MTMR8: variants seen among roughly 807,000 people sequenced by gnomAD.
MTMR8 encodes the protein myotubularin related protein 8.
MTMR8 carries 65 observed loss-of-function variants against 39.3 expected under a neutral mutation model. The ratio of observed to expected loss-of-function variants is 1.65; its 90% CI spans 1.35 to 2.03. MTMR8 has a LOEUF of 2.03. Ranked by LOEUF, MTMR8 falls within the 30% of genes most tolerant of loss-of-function variation. The probability of loss-of-function intolerance (pLI) is 0.00; values close to 1 mark genes in which losing one functional copy is unlikely to be tolerated. For synonymous variants in MTMR8, 245 were observed against 185.2 expected (o/e 1.32, Z -2.62); for missense variants, 777 against 538.9 (o/e 1.44, Z -4.37).
chrX:64,296,916 T>A (rs1380355714), intron 12 of MTMR8, among the ~76,000 whole-genome samples: 3 of 103,699 alleles, frequency 2.9e-5, no homozygotes, highest in South Asian at 4.7e-4. Context: ...GAACTCATCA[T>A]TTTTTATGGC....
intron 1 of MTMR8, among the ~76,000 whole-genome samples, chrX:64,366,452 T>C (rs889823972): frequency 3.6e-5 from 4 of 112,047 alleles, no homozygotes; most frequent in Non-Finnish European, 7.5e-5. Context: ...GTTAAGAAAC[T>C]CACTCAAAAC....
At chrX:64,376,398 T>G (rs2147243523) in intron 1 of MTMR8, among the ~76,000 whole-genome samples, 1 of 111,862 alleles carries the variant, frequency 8.9e-6, no homozygotes, top group South Asian at 3.8e-4. Flanking sequence ...TGAGGTGGTC[T>G]CAGATGGAGA....
intron 1 of MTMR8, among the ~76,000 whole-genome samples, chrX:64,383,965 G>A (rs937743814): frequency 1.8e-5 from 2 of 111,512 alleles, no homozygotes; most frequent in African/African-American, 6.5e-5. Context: ...TCTGAAACAA[G>A]GTAGGTTCCT....
At chrX:64,317,495 G>A (rs752665409) in intron 12 of MTMR8, among the ~76,000 whole-genome samples, 1 of 111,119 alleles carries the variant, frequency 9.0e-6, no homozygotes, top group South Asian at 3.8e-4. Flanking sequence ...GATCCATTTA[G>A]TTTTCTTCAT....
rs934848768 is a variant in MTMR8 at position 64,282,218 on chromosome X, G to A, written c.1482-11145C>T. Among the ~76,000 whole-genome samples the A allele has an allele frequency of 3.6e-5, 4 of 111,274 alleles. No individual in the cohort carries two copies. The Admixed American group carries it at 3.8e-4, about 11-fold the overall frequency. ...CATTTGACCCAGCAATGCCATTACT[G>A]GGTATATACCCAAAAGAATATAAAT... On this transcript the variant is annotated intron_variant, in intron 12 of 13. Transcript: ENST00000374852.
intron 11 of MTMR8, among the ~76,000 whole-genome samples, chrX:64,330,259 C>T (rs1356243657): frequency 2.7e-5 from 3 of 111,559 alleles, no homozygotes; most frequent in Non-Finnish European, 5.7e-5. Context: ...TAAACAAAGA[C>T]AGAATGAATA....
chrX:64,288,615 A>G lies in MTMR8; in HGVS notation c.1482-17542T>C, dbSNP rs370462250. On this transcript the variant is annotated intron_variant, in intron 12 of 13. Coordinates refer to ENST00000374852, the MANE Select transcript of MTMR8 (RefSeq NM_017677.4). ...TCACAATAGCAAAGACTTGGAACCA[A>G]CCCAAATGTCCAACAATGATAGATT... 2.7e-5 allele frequency among the ~76,000 whole-genome samples: 3 copies of G among 112,093 alleles called. No individual in the cohort carries two copies. The East Asian group carries it at 8.4e-4, about 31-fold the overall frequency.
At chrX:64,341,355 TATA>T in intron 8 of MTMR8, among the ~76,000 whole-genome samples, 1 of 109,553 alleles carries the variant, frequency 9.1e-6, no homozygotes, top group Admixed American at 9.8e-5. Flanking sequence ...GGCATGCTCC[TATA>T]ATCTCAGCTA....
In MTMR8 at chrX:64,367,242, C is replaced by T. The variant is rs769801843; in HGVS notation, c.25-7715G>A. On this transcript the variant is annotated intron_variant, in intron 1 of 13. Coordinates refer to ENST00000374852, the MANE Select transcript of MTMR8 (RefSeq NM_017677.4). ...CAAATCAATAGAAAAAGAGGGAATC[C>T]TCCCTAACTCATTTTATGAGGCCAG... 9.8e-5 allele frequency among the ~76,000 whole-genome samples: 11 copies of T among 111,977 alleles called. 1 individual carries two copies. In the South Asian group the frequency reaches 4.1e-3, roughly 42 times the overall value.
At chrX:64,346,152 C>T (rs761411547) in intron 6 of MTMR8, among the ~76,000 whole-genome samples, 2 of 111,254 alleles carry the variant, frequency 1.8e-5, no homozygotes, top group Non-Finnish European at 3.8e-5. Flanking sequence ...ATACTGTCTA[C>T]GATAATGACC....
chrX:64,373,661 G>A (rs1027168142), intron 1 of MTMR8, among the ~76,000 whole-genome samples: 2 of 111,227 alleles, frequency 1.8e-5, no homozygotes, highest in East Asian at 2.8e-4. Flanking sequence ...TGGTTGGGGA[G>A]AGGAAGGGAA....
chrX:64,382,694 G>T (rs1053295051), intron 1 of MTMR8, among the ~76,000 whole-genome samples: 1 of 111,577 alleles, frequency 9.0e-6, no homozygotes, highest in African/African-American at 3.3e-5. Flanking sequence ...TTTTCAAAGG[G>T]AATGCTTCCA....
intron 1 of MTMR8, among the ~76,000 whole-genome samples, chrX:64,390,739 C>A (rs984626665): frequency 6.3e-5 from 7 of 111,095 alleles, no homozygotes; most frequent in Non-Finnish European, 1.3e-4. Context: ...GCAGCCTCGA[C>A]CTCCCAGATT....
At chrX:64,308,900 T>G (rs903057211) in intron 12 of MTMR8, among the ~76,000 whole-genome samples, 2 of 112,040 alleles carry the variant, frequency 1.8e-5, no homozygotes, top group African/African-American at 6.5e-5. Flanking sequence ...TTGTCAAAGC[T>G]GAGTTGATTA....
At chrX:64,375,357 GAAAA>G (rs1164526672) in intron 1 of MTMR8, among the ~76,000 whole-genome samples, 1 of 88,611 alleles carries the variant, frequency 1.1e-5, no homozygotes, top group African/African-American at 4.1e-5. Flanking sequence ...TGTCTCAATA[GAAAA>G]AAAAAAAAGT....
intron 4 of MTMR8, among the ~76,000 whole-genome samples, chrX:64,352,837 G>A (rs1320863938): frequency 5.4e-5 from 6 of 111,302 alleles, no homozygotes; most frequent in Non-Finnish European, 9.4e-5. Context: ...CTTAGCTCCA[G>A]CAAACGAATT....
At chrX:64,282,253 A>T (rs1419668744) in intron 12 of MTMR8, among the ~76,000 whole-genome samples, 2 of 111,547 alleles carry the variant, frequency 1.8e-5, no homozygotes, top group African/African-American at 6.5e-5. Flanking sequence ...TAATTATATT[A>T]TAAAGATATA....
chrX:64,370,724 G>A (rs554680334), intron 1 of MTMR8, among the ~76,000 whole-genome samples: 13 of 112,138 alleles, frequency 1.2e-4, no homozygotes, highest in Middle Eastern at 9.2e-3. Context: ...TAGGTGTGTA[G>A]TAGGTTTGTG....
intron 12 of MTMR8, among the ~76,000 whole-genome samples, chrX:64,290,842 G>T (rs900281828): frequency 2.7e-5 from 3 of 111,988 alleles, no homozygotes; most frequent in Non-Finnish European, 5.6e-5. Flanking sequence ...ACCACAGTTT[G>T]TTTAACCCTT....
Sources: gnomAD v4.1 joint callset for allele counts (sites outside exome capture counted in the v4.1 genomes callset) on GRCh38, gnomAD v4.1.1 for gene constraint, MANE v1.5 for transcripts, NCBI Gene and HGNC (gene_info 2026-07-23, HGNC 2026-07-21) for gene names.